ERBIN: variants seen among roughly 807,000 people sequenced by gnomAD.
ERBIN encodes densin-180-like protein.
Under a neutral mutation model 158.4 loss-of-function variants are expected in ERBIN, and 60 were observed. The observed-to-expected ratio is 0.38, with a 90% CI of 0.31 to 0.47. ERBIN has a LOEUF of 0.47. ERBIN is among the 20% of genes least tolerant of loss of function. The pLI, the probability that ERBIN is intolerant of heterozygous loss-of-function variation, is 0.99. For synonymous variants in ERBIN, 594 were observed against 557.2 expected (o/e 1.07, Z -0.93); for missense variants, 1,610 against 1,648.0 (o/e 0.98, Z 0.40).
chr5:65,981,835 T>C (rs1393027307), intron 1 of ERBIN, among the ~76,000 whole-genome samples: 1 of 152,188 alleles, frequency 6.6e-6, no homozygotes, highest in African/African-American at 2.4e-5. Context: ...AGGTGGACTT[T>C]GCAAATCATG....
chr5:65,975,903 C>T (rs1749802448), intron 1 of ERBIN, among the ~76,000 whole-genome samples: 1 of 152,158 alleles, frequency 6.6e-6, no homozygotes, highest in South Asian at 2.1e-4. Context: ...GCCTGTTTCT[C>T]TTTGTAAGGA....
At position 66,075,139 on chromosome 5, in the gene ERBIN, T is replaced by G; in HGVS notation, c.3872T>G (p.Ile1291Ser). The G allele has an allele frequency of 1.2e-6, 2 of 1,614,178 alleles. No individual in the cohort carries two copies. Among genetic ancestry groups the G allele is most frequent in the Non-Finnish European group, 1.7e-6 (2 of 1,180,020 alleles). Residue 1291 changes from isoleucine (I) to serine (S), a missense_variant, in exon 23 of 26, where the codon ATT (isoleucine) becomes AGT (serine). By Grantham distance (142) the Ile-to-Ser change is moderately radical (BLOSUM62 -2). Coordinates refer to ENST00000284037, the MANE Select transcript of ERBIN (RefSeq NM_001253697.2). ...VARHPSREQLIDYLMLKVAHQ... is the reference protein window; with the variant it reads ...VARHPSREQLSDYLMLKVAHQ... ...AGGCATCCCTCTAGAGAACAACTAA[T>G]TGATTACTTGATGCTGAAAGTGGCC...
rs191413728 is a variant in ERBIN at position 65,948,479 on chromosome 5, G to T, written c.-58+21673G>T. 6.3e-3 allele frequency among the ~76,000 whole-genome samples: 957 copies of T among 151,720 alleles called. 15 individuals carry two copies. The highest frequency in any genetic ancestry group is 0.022 in the African/African-American group (911 of 41,362). ...AGGTGTGAGCGACTGCATCCAGCTG[G>T]TTTTTTTTCTATTTAAATAATAAAA... On this transcript the variant is annotated intron_variant, in intron 1 of 25. Coordinates refer to ENST00000284037, the MANE Select transcript of ERBIN (RefSeq NM_001253697.2).
At chr5:66,030,744 C>T (rs934799206) in intron 14 of ERBIN, among the ~76,000 whole-genome samples, 5 of 150,716 alleles carry the variant, frequency 3.3e-5, no homozygotes, top group African/African-American at 9.8e-5. Context: ...TTTTTTTTAA[C>T]GTTTTTAGTA....
At chr5:66,075,325 A>G in intron 23 of ERBIN, 95 bp downstream of exon 23, 1 of 1,007,252 alleles carries the variant, frequency 9.9e-7, no homozygotes, top group Non-Finnish European at 1.5e-6. Flanking sequence ...CAGAATATTA[A>G]CGTAGTTATT....
intron 1 of ERBIN, among the ~76,000 whole-genome samples, chr5:65,964,941 T>TGTGTGTGTGTGTGTGC (rs1394546769): frequency 2.6e-5 from 3 of 115,578 alleles, no homozygotes; most frequent in African/African-American, 9.8e-5. Flanking sequence ...TGTGTGTGTG[T>TGTGTGTGTGTGTGTGC]GTGTAATTTT....
At chr5:66,009,619 A>G (rs1357499584) in intron 4 of ERBIN, among the ~76,000 whole-genome samples, 1 of 152,184 alleles carries the variant, frequency 6.6e-6, no homozygotes, top group Non-Finnish European at 1.5e-5. Flanking sequence ...AGAAGATCCT[A>G]CTGGTTTTGC....
rs532576951 is a variant in ERBIN at position 66,066,534 on chromosome 5, A to C, written c.3634-5635A>C. Among the ~76,000 whole-genome samples the C allele has an allele frequency of 2.2e-3, 332 of 150,058 alleles. 2 individuals carry two copies. The highest frequency in any genetic ancestry group is 7.9e-3 in the African/African-American group (314 of 39,692). On this transcript the variant is annotated intron_variant, in intron 21 of 25. Coordinates refer to ENST00000284037, the MANE Select transcript of ERBIN (RefSeq NM_001253697.2). The stretch of plus-strand genomic sequence containing the variant: ...CCACTGCCAAAAATAAAAAAAAAAA[A>C]ACAAAAAAAACTGTACCTGGAATTC...
intron 8 of ERBIN, chr5:66,023,043 A>C (rs1275345153): frequency 5.9e-6 from 2 of 338,002 alleles, no homozygotes; most frequent in Non-Finnish European, 1.1e-5. Context: ...TTTGTAATCT[A>C]CTGCTATGGC....
chr5:65,945,369 C>T (rs180876036), intron 1 of ERBIN, among the ~76,000 whole-genome samples: 2 of 152,236 alleles, frequency 1.3e-5, no homozygotes, highest in East Asian at 3.9e-4. Context: ...TAGTAGTCAC[C>T]GTTTCTTCCA....
chr5:65,998,621 G>A (rs1452883821), intron 4 of ERBIN, among the ~76,000 whole-genome samples: 2 of 151,786 alleles, frequency 1.3e-5, no homozygotes, highest in Non-Finnish European at 2.9e-5. Flanking sequence ...TTTTGGCCAG[G>A]CCCAGTGGCT....
At chr5:65,959,231 G>A (rs1279956223) in intron 1 of ERBIN, among the ~76,000 whole-genome samples, 1 of 151,868 alleles carries the variant, frequency 6.6e-6, no homozygotes, top group African/African-American at 2.4e-5. Context: ...ATGGTAATTT[G>A]ATCACTTAAA....
At position 66,026,685 on chromosome 5, in the gene ERBIN, C is replaced by T. The variant is rs572883170; in HGVS notation, c.1136+268C>T. Among the ~76,000 whole-genome samples the T allele has an allele frequency of 1.7e-4, 26 of 151,952 alleles. No homozygotes were observed. In the South Asian group the frequency reaches 5.4e-3, roughly 31 times the overall value. ...CAGTTTTGCTAAAAGTTTTGGTTTC[C>T]AAGAACCTATCAATAACTTAAATGA... On this transcript the variant is annotated intron_variant, in intron 13 of 25. Coordinates refer to ENST00000284037, the MANE Select transcript of ERBIN (RefSeq NM_001253697.2).
intron 14 of ERBIN, 46 bp from the exon 15 acceptor site, chr5:66,038,337 T>G (rs1018028317): frequency 7.1e-6 from 9 of 1,269,210 alleles, no homozygotes; most frequent in Non-Finnish European, 1.0e-5. Context: ...GAATATATAT[T>G]TGCTTTAGGG....
chr5:66,081,983 G>C lies in ERBIN; in HGVS notation c.*3453G>C, dbSNP rs953341731. On this transcript the variant is annotated 3_prime_UTR_variant, in exon 26 of 26. Coordinates refer to ENST00000284037, the MANE Select transcript of ERBIN (RefSeq NM_001253697.2). ...CTTTGTTTCTAAATAAGGACCTTCA[G>C]AAAAAGTTGACCATATTCTACCTAA... The C allele has an allele frequency of 3.3e-5, 5 of 151,854 alleles. No homozygotes were observed. Among genetic ancestry groups the C allele is most frequent in the African/African-American group, 1.2e-4 (5 of 41,370 alleles). The allele number at this position is 151,854 out of a possible 1,614,324, so 9.4% of individuals were successfully genotyped here. A position where few individuals can be genotyped will look rare whatever the true frequency, so the allele number is the denominator to read the frequency against.
At chr5:66,015,802 A>G (rs1426629144) in intron 7 of ERBIN, among the ~76,000 whole-genome samples, 1 of 152,188 alleles carries the variant, frequency 6.6e-6, no homozygotes, top group African/African-American at 2.4e-5. Context: ...GTACCACTGC[A>G]TTCCAGCATA....
intron 7 of ERBIN, among the ~76,000 whole-genome samples, chr5:66,016,502 G>T (rs1370508535): frequency 1.3e-5 from 2 of 151,874 alleles, no homozygotes; most frequent in Non-Finnish European, 2.9e-5. Context: ...CCATTTTTAT[G>T]TGTACAGTTC....
intron 1 of ERBIN, among the ~76,000 whole-genome samples, chr5:65,977,152 C>T (rs995822101): frequency 6.8e-6 from 1 of 146,368 alleles, no homozygotes; most frequent in East Asian, 2.1e-4. Context: ...GGGGCTGACT[C>T]CCCCACCTCC....
intron 5 of ERBIN, 63 bp from the exon 6 acceptor site, chr5:66,013,486 A>C: frequency 8.7e-7 from 1 of 1,144,296 alleles, no homozygotes; most frequent in Non-Finnish European, 1.3e-6. Context: ...TGAGAGTCTT[A>C]GATTTTAATA....
Sources: allele counts gnomAD v4.1 joint callset (sites outside exome capture counted in the v4.1 genomes callset), GRCh38; gene constraint gnomAD v4.1.1; transcripts MANE v1.5; gene names NCBI Gene and HGNC (gene_info 2026-07-23, HGNC 2026-07-21).